PPARGC1A: variants seen among roughly 807,000 people sequenced by gnomAD.
PPARGC1A encodes the protein PPARG coactivator 1 alpha.
Under a neutral mutation model 88.7 loss-of-function variants are expected in PPARGC1A, and 25 were observed. The ratio of observed to expected loss-of-function variants is 0.28; its 90% CI spans 0.21 to 0.39. PPARGC1A has a LOEUF of 0.39. PPARGC1A is among the 10% of genes least tolerant of loss of function. The pLI, the probability that PPARGC1A is intolerant of heterozygous loss-of-function variation, is 1.00. For missense variants in PPARGC1A, 880 were observed against 968.7 expected (o/e 0.91, Z 1.22); for synonymous variants, 363 against 355.6 (o/e 1.02, Z -0.24).
chr4:24,254,361 G>A, the PPARGC1A span, among the ~76,000 whole-genome samples: 3 of 152,172 alleles, frequency 2.0e-5, no homozygotes, highest in African/African-American at 7.2e-5. Context: ...CAGCTCTGGA[G>A]CCTGTCTTTT....
At chr4:24,116,611 C>G in the PPARGC1A span, among the ~76,000 whole-genome samples, 1,227 of 152,276 alleles carry the variant, frequency 8.1e-3, 20 homozygotes, top group African/African-American at 0.027. Flanking sequence ...TGAGAGACAA[C>G]CACCCAATGC....
chr4:24,122,721 A>G, the PPARGC1A span, among the ~76,000 whole-genome samples: 1 of 152,142 alleles, frequency 6.6e-6, no homozygotes, highest in African/African-American at 2.4e-5. Flanking sequence ...CTGAAAAGGA[A>G]GTATCTGACT....
At chr4:23,960,066 T>C in the PPARGC1A span, among the ~76,000 whole-genome samples, 1 of 152,176 alleles carries the variant, frequency 6.6e-6, no homozygotes, top group South Asian at 2.1e-4. Flanking sequence ...TTTTTCCTGC[T>C]GAGTTGAATC....
chr4:23,937,649 G>A, the PPARGC1A span, among the ~76,000 whole-genome samples: 16 of 151,966 alleles, frequency 1.1e-4, no homozygotes, highest in Non-Finnish European at 2.4e-4. Context: ...CAGAAAGGTA[G>A]AAATGTATTG....
chr4:23,890,318 A>G (rs958253024), upstream of PPARGC1A: 1 of 204,658 alleles, frequency 4.9e-6, no homozygotes, highest in African/African-American at 2.3e-5. Context: ...GCCAGCTTTG[A>G]ATGCCACAGA....
At chr4:23,922,892 A>G in the PPARGC1A span, among the ~76,000 whole-genome samples, 1 of 152,126 alleles carries the variant, frequency 6.6e-6, no homozygotes, top group African/African-American at 2.4e-5. Context: ...CCTCTTTGCC[A>G]TTTCAACTGG....
At chr4:23,880,354 G>A (rs16874276) in intron 2 of PPARGC1A, among the ~76,000 whole-genome samples, 10,674 of 152,040 alleles carry the variant, frequency 0.07, 413 homozygotes, top group African/African-American at 0.086. Context: ...ATTACCTAAC[G>A]CAGTTCATTC....
chr4:23,913,821 C>T, the PPARGC1A span, among the ~76,000 whole-genome samples: 5 of 152,100 alleles, frequency 3.3e-5, no homozygotes, highest in Non-Finnish European at 1.5e-5. Flanking sequence ...ACTAGAGCCT[C>T]ACAGAGGAGG....
the PPARGC1A span, among the ~76,000 whole-genome samples, chr4:24,302,466 A>G: frequency 6.6e-6 from 1 of 152,158 alleles, no homozygotes; most frequent in East Asian, 1.9e-4. Context: ...CACTGTGACT[A>G]CTTGTCTTAA....
At chr4:24,373,876 A>G in the PPARGC1A span, among the ~76,000 whole-genome samples, 1 of 152,280 alleles carries the variant, frequency 6.6e-6, no homozygotes, top group East Asian at 1.9e-4. Context: ...GGAACCTGGC[A>G]ATTGCTATGT....
the PPARGC1A span, among the ~76,000 whole-genome samples, chr4:24,113,147 G>T: frequency 2.0e-5 from 3 of 152,002 alleles, no homozygotes; most frequent in Admixed American, 1.3e-4. Context: ...ATATATTAGG[G>T]TTCCTTTTAG....
chr4:23,936,710 CA>C, the PPARGC1A span, among the ~76,000 whole-genome samples: 3 of 151,990 alleles, frequency 2.0e-5, no homozygotes, highest in South Asian at 6.2e-4. Flanking sequence ...GTCTCTACTA[CA>C]AATACAAAAA....
chr4:23,989,109 G>T, the PPARGC1A span, among the ~76,000 whole-genome samples: 1 of 151,582 alleles, frequency 6.6e-6, no homozygotes, highest in Non-Finnish European at 1.5e-5. Context: ...GGCTGGAAAG[G>T]TTGCCTGCAA....
the PPARGC1A span, among the ~76,000 whole-genome samples, chr4:24,312,336 T>A: frequency 1.3e-5 from 2 of 152,148 alleles, no homozygotes; most frequent in African/African-American, 4.8e-5. Context: ...TCCTGGACTA[T>A]AATCCTCATT....
the PPARGC1A span, among the ~76,000 whole-genome samples, chr4:24,196,464 A>T: frequency 1.3e-5 from 2 of 152,236 alleles, no homozygotes; most frequent in Non-Finnish European, 2.9e-5. Flanking sequence ...CGTAATGCAG[A>T]TGGTAGTAAT....
the PPARGC1A span, among the ~76,000 whole-genome samples, chr4:24,304,540 A>G: frequency 2.6e-5 from 4 of 152,216 alleles, no homozygotes; most frequent in Admixed American, 6.5e-5. Context: ...CAGCAAATGC[A>G]TGGCTGAGCT....
chr4:24,091,680 G>T, the PPARGC1A span: 1,635 of 976,614 alleles, frequency 1.7e-3, 20 homozygotes, highest in African/African-American at 0.025. Flanking sequence ...GGATCGGGCA[G>T]GAAGAACCCA....
intron 7 of PPARGC1A, among the ~76,000 whole-genome samples, chr4:23,816,912 T>C (rs969567042): frequency 6.6e-6 from 1 of 152,198 alleles, no homozygotes; most frequent in East Asian, 1.9e-4. Context: ...ATTATTATTT[T>C]GTACTAATTT....
At chr4:23,809,442 C>T (rs1239221093) in intron 10 of PPARGC1A, among the ~76,000 whole-genome samples, 1 of 152,088 alleles carries the variant, frequency 6.6e-6, no homozygotes, top group Non-Finnish European at 1.5e-5. Context: ...CCTCTTGTGT[C>T]TCAGTGTTCC....
Sources: gnomAD v4.1 joint callset for allele counts (sites outside exome capture counted in the v4.1 genomes callset) on GRCh38, gnomAD v4.1.1 for gene constraint, MANE v1.5 for transcripts, NCBI Gene and HGNC (gene_info 2026-07-23, HGNC 2026-07-21) for gene names.